The following KCNN2 variants were observed in gnomAD, a reference collection of about 807,000 sequenced individuals.
KCNN2 encodes the protein potassium calcium-activated channel subfamily N member 2.
KCNN2 carries 24 observed loss-of-function variants against 55.5 expected under a neutral mutation model. The observed-to-expected ratio is 0.43, with a 90% CI of 0.31 to 0.61. The LOEUF (loss-of-function observed/expected upper bound fraction) is 0.61. Among genes scored for constraint, KCNN2 ranks in the 20% least tolerant of loss-of-function variants. The probability of loss-of-function intolerance (pLI) is 0.08; values close to 1 mark genes in which losing one functional copy is unlikely to be tolerated. For synonymous variants in KCNN2, 431 were observed against 336.1 expected, an observed-to-expected ratio of 1.28 and a Z score of -3.09; for missense variants, 754 against 853.6, an observed-to-expected ratio of 0.88 and a Z score of 1.45.
intron 1 of KCNN2, among the ~76,000 whole-genome samples, chr5:114,190,228 C>T (rs564429120): frequency 1.3e-4 from 20 of 152,216 alleles, no homozygotes; most frequent in Non-Finnish European, 1.8e-4. Context: ...CCCAGCCATT[C>T]TGCTTCTAGG....
At chr5:114,466,178 C>T (rs1761438711) in intron 4 of KCNN2, among the ~76,000 whole-genome samples, 1 of 152,150 alleles carries the variant, frequency 6.6e-6, no homozygotes, top group African/African-American at 2.4e-5. Flanking sequence ...CACTACCCTT[C>T]AAGAGAAAAC....
chr5:114,387,565 T>TA (rs978979801), intron 2 of KCNN2, among the ~76,000 whole-genome samples: 1 of 152,220 alleles, frequency 6.6e-6, no homozygotes, highest in Non-Finnish European at 1.5e-5. Context: ...TTTTTGTTCT[T>TA]AGACTTTGGG....
chr5:114,396,157 CTCTT>C (rs67564083), intron 2 of KCNN2, among the ~76,000 whole-genome samples: 54,694 of 151,814 alleles, frequency 0.36, 11,429 homozygotes, highest in East Asian at 0.82. Context: ...TTTGCATCTT[CTCTT>C]TCTTTTATTG....
rs575461761 is a variant in KCNN2 at position 114,072,364 on chromosome 5, T to G, written c.-271+15864T>G. Among the ~76,000 whole-genome samples the G allele has an allele frequency of 7.2e-5, 11 of 151,918 alleles. No individual in the cohort carries two copies. In the East Asian group the frequency reaches 1.7e-3, roughly 24 times the overall value. Reference sequence around the variant, plus strand: ...ACCCTCTTTTGCCCTTCCACCTTGATGATGAAGTGCAAAGACCCCTGCCAG... The same window carrying G: ...ACCCTCTTTTGCCCTTCCACCTTGAGGATGAAGTGCAAAGACCCCTGCCAG... On this transcript the variant is annotated intron_variant, in intron 1 of 10. Coordinates refer to the KCNN2 transcript ENST00000512097.
chr5:114,424,401 A>G (rs1249622544), intron 3 of KCNN2, among the ~76,000 whole-genome samples: 1 of 152,202 alleles, frequency 6.6e-6, no homozygotes, highest in Non-Finnish European at 1.5e-5. Flanking sequence ...ATAAATCACT[A>G]AGAGATACTA....
chr5:114,252,866 G>C (rs201814286), intron 2 of KCNN2, among the ~76,000 whole-genome samples: 1 of 152,212 alleles, frequency 6.6e-6, no homozygotes, highest in East Asian at 1.9e-4. Context: ...GGACTGAAAA[G>C]AGAAATGGCA....
chr5:114,292,436 T>C (rs1755912099), intron 2 of KCNN2, among the ~76,000 whole-genome samples: 1 of 152,200 alleles, frequency 6.6e-6, no homozygotes, highest in African/African-American at 2.4e-5. Flanking sequence ...CAGCACCATT[T>C]GTTAAATAGG....
intron 2 of KCNN2, among the ~76,000 whole-genome samples, chr5:114,389,736 A>G (rs1758402573): frequency 6.6e-6 from 1 of 152,194 alleles, no homozygotes; most frequent in Non-Finnish European, 1.5e-5. Context: ...TTCTGTTACC[A>G]TGGGGCATTG....
intron 3 of KCNN2, among the ~76,000 whole-genome samples, chr5:114,455,671 C>T (rs1210421149): frequency 1.3e-5 from 2 of 152,210 alleles, no homozygotes; most frequent in Admixed American, 6.5e-5. Context: ...TTATACCAAA[C>T]ATTTATCCAA....
intron 1 of KCNN2, among the ~76,000 whole-genome samples, chr5:114,168,257 C>G (rs1193724430): frequency 1.3e-5 from 2 of 151,430 alleles, no homozygotes; most frequent in Non-Finnish European, 2.9e-5. Flanking sequence ...TATGGGTTTT[C>G]TATTTAGTTT....
rs137880708 is a variant in KCNN2, at chr5:114,486,246, C to G, written c.1891-804C>G. ...TTCTTATAGTAAGTAATCCAAAAGCCCAAGTGAAAGCTGTGGGTCATCAGA... is the reference window on the plus strand; with the variant it reads ...TTCTTATAGTAAGTAATCCAAAAGCGCAAGTGAAAGCTGTGGGTCATCAGA... On this transcript the variant is annotated intron_variant, in intron 5 of 7. Transcript: ENST00000673685. Among the ~76,000 whole-genome samples the G allele has an allele frequency of 4.1e-3, 631 of 152,244 alleles. 5 individuals carry two copies. Among genetic ancestry groups the G allele is most frequent in the African/African-American group, 0.014 (599 of 41,556 alleles).
intron 2 of KCNN2, among the ~76,000 whole-genome samples, chr5:114,252,111 C>T (rs1248637996): frequency 6.6e-6 from 1 of 151,986 alleles, no homozygotes. Context: ...CTCCTGACCT[C>T]AAGTGATCCT....
chr5:114,141,658 G>A (rs1005412713), intron 1 of KCNN2, among the ~76,000 whole-genome samples: 1 of 152,146 alleles, frequency 6.6e-6, no homozygotes, highest in African/African-American at 2.4e-5. Flanking sequence ...GTAATGGGAT[G>A]GCTGGGTCAA....
chr5:114,110,684 A>G (rs1004845769), intron 1 of KCNN2, among the ~76,000 whole-genome samples: 14 of 152,064 alleles, frequency 9.2e-5, no homozygotes, highest in African/African-American at 2.9e-4. Flanking sequence ...TCTTTCTAAT[A>G]GTAGAATAAA....
intron 5 of KCNN2, among the ~76,000 whole-genome samples, chr5:114,479,952 A>C (rs1008209206): frequency 2.0e-5 from 3 of 152,106 alleles, no homozygotes; most frequent in African/African-American, 7.2e-5. Context: ...TTACAACAGA[A>C]CATCTGGAGA....
intron 2 of KCNN2, among the ~76,000 whole-genome samples, chr5:114,330,337 G>A (rs1223443225): frequency 6.6e-6 from 1 of 152,064 alleles, no homozygotes; most frequent in Non-Finnish European, 1.5e-5. Context: ...CATTCCTAAC[G>A]GAGTACTCCA....
intron 2 of KCNN2, among the ~76,000 whole-genome samples, chr5:114,332,682 A>C (rs562336316): frequency 2.0e-5 from 3 of 152,310 alleles, no homozygotes; most frequent in East Asian, 3.9e-4. Context: ...GTTTATTACC[A>C]CACTTGCTGA....
intron 1 of KCNN2, among the ~76,000 whole-genome samples, chr5:114,220,584 C>T (rs959080715): frequency 6.6e-6 from 1 of 151,952 alleles, no homozygotes; most frequent in Non-Finnish European, 1.5e-5. Flanking sequence ...TACAAACAGA[C>T]AAATGAGACT....
intron 2 of KCNN2, among the ~76,000 whole-genome samples, chr5:114,400,281 T>C (rs1179122570): frequency 6.6e-6 from 1 of 152,216 alleles, no homozygotes; most frequent in African/African-American, 2.4e-5. Flanking sequence ...AACACTGCTT[T>C]AGCTGTGAGC....
Sources: allele counts gnomAD v4.1 joint callset (sites outside exome capture counted in the v4.1 genomes callset), GRCh38; gene constraint gnomAD v4.1.1; transcripts MANE v1.5; gene names NCBI Gene and HGNC (gene_info 2026-07-23, HGNC 2026-07-21).